The following CCSER1 variants were observed in gnomAD, a reference collection of about 807,000 sequenced individuals.
CCSER1 encodes the protein serine-rich coiled-coil domain-containing protein 1.
A neutral mutation model predicts 82.0 loss-of-function variants in CCSER1; 41 were observed. The ratio of observed to expected loss-of-function variants is 0.50; its 90% CI spans 0.39 to 0.65. The LOEUF (loss-of-function observed/expected upper bound fraction) is 0.65, where lower values mean the gene tolerates loss of function less well. Among genes scored for constraint, CCSER1 ranks in the 30% least tolerant of loss-of-function variants. CCSER1 has a pLI of 0.00. For synonymous variants in CCSER1, 414 were observed against 383.9 expected, an observed-to-expected ratio of 1.08 and a Z score of -0.92; for missense variants, 1,119 against 1,064.2, an observed-to-expected ratio of 1.05 and a Z score of -0.72.
At chr4:90,130,377 G>C (rs1307898826) in intron 1 of CCSER1, among the ~76,000 whole-genome samples, 1 of 152,178 alleles carries the variant, frequency 6.6e-6, no homozygotes, top group Non-Finnish European at 1.5e-5. Flanking sequence ...TTTCATACTG[G>C]ATTTTGTTTG....
In CCSER1 at chr4:91,014,015, G is replaced by A. The variant is rs185516825; in HGVS notation, c.2173-71935G>A. 6.7e-5 allele frequency among the ~76,000 whole-genome samples: 9 copies of A among 133,520 alleles called. 4 individuals are homozygous for A. In the East Asian group the frequency reaches 1.7e-3, roughly 25 times the overall value. The allele number at this position is 133,520 out of a possible 152,430, so 87.6% of individuals were successfully genotyped here. On this transcript the variant is annotated intron_variant, in intron 9 of 10. Coordinates refer to ENST00000509176, the MANE Select transcript of CCSER1 (RefSeq NM_001145065.2). ...TTCATAGGAATTGTGAACCAAATAA[G>A]AAGGAACCAAACACATAACAAGAGT... is the stretch of plus-strand genomic sequence containing the variant.
intron 8 of CCSER1, among the ~76,000 whole-genome samples, chr4:90,860,769 T>C (rs1171379786): frequency 6.6e-6 from 1 of 151,678 alleles, no homozygotes; most frequent in Admixed American, 6.6e-5. Flanking sequence ...GAAAAGGCCA[T>C]ATATGGTATT....
chr4:91,070,378 A>G (rs1721305404), intron 9 of CCSER1, among the ~76,000 whole-genome samples: 1 of 152,186 alleles, frequency 6.6e-6, no homozygotes, highest in South Asian at 2.1e-4. Context: ...CTCAGTTTAT[A>G]TTTCTAAACA....
rs1178787465 is a variant in CCSER1, at chr4:90,468,312, T to G, written c.1682T>G (p.Met561Arg). Residue 561 changes from methionine to arginine, a missense_variant, in exon 5 of 11, where the codon ATG becomes AGG. Transcript: ENST00000509176. ...ACTCCTATGGAACCAATGATAGAAA[T>G]GAAGAAAAGAGAAGAACCAGAATTT... Reference protein sequence around the residue: ...VLTPMEPMIEMKKREEPEFPE... With the variant: ...VLTPMEPMIERKKREEPEFPE... The G allele has an allele frequency of 3.1e-6, 5 of 1,608,516 alleles. No homozygotes were observed. Among genetic ancestry groups the G allele is most frequent in the African/African-American group, 2.7e-5 (2 of 74,956 alleles).
chr4:90,331,941 A>G (rs1186375096), intron 3 of CCSER1, among the ~76,000 whole-genome samples: 1 of 152,072 alleles, frequency 6.6e-6, no homozygotes, highest in Admixed American at 6.6e-5. Context: ...AAGTAAAATG[A>G]GGTATCTTCA....
chr4:91,266,280 C>G (rs1741571540), intron 10 of CCSER1, among the ~76,000 whole-genome samples: 2 of 151,614 alleles, frequency 1.3e-5, no homozygotes, highest in Non-Finnish European at 1.5e-5. Context: ...GAGACAGAGT[C>G]TCACTCTGTT....
chr4:90,190,103 G>T (rs1365938976), intron 1 of CCSER1, among the ~76,000 whole-genome samples: 3 of 152,006 alleles, frequency 2.0e-5, no homozygotes, highest in Non-Finnish European at 4.4e-5. Context: ...TGGCTCTGAG[G>T]CGTGATAACT....
intron 9 of CCSER1, among the ~76,000 whole-genome samples, chr4:91,046,491 CATTT>C (rs1403594634): frequency 6.6e-6 from 1 of 151,882 alleles, no homozygotes; most frequent in Non-Finnish European, 1.5e-5. Flanking sequence ...CTTGAAACAC[CATTT>C]ACTTTCTTTT....
At chr4:90,285,186 C>T (rs1729633875) in intron 1 of CCSER1, among the ~76,000 whole-genome samples, 1 of 151,802 alleles carries the variant, frequency 6.6e-6, no homozygotes, top group African/African-American at 2.4e-5. Flanking sequence ...TGAAGAATGT[C>T]ATTGGTGTTT....
intron 1 of CCSER1, among the ~76,000 whole-genome samples, chr4:90,281,173 C>CCTATA (rs1272890793): frequency 1.3e-5 from 2 of 151,930 alleles, no homozygotes; most frequent in Non-Finnish European, 1.5e-5. Flanking sequence ...AGGCCATTAT[C>CCTATA]CTAAGAGAAC....
At chr4:91,470,638 A>C (rs1757224610) in intron 10 of CCSER1, among the ~76,000 whole-genome samples, 1 of 152,104 alleles carries the variant, frequency 6.6e-6, no homozygotes, top group Non-Finnish European at 1.5e-5. Flanking sequence ...TTCTGATAGA[A>C]TAGTAGTGGT....
At chr4:90,256,785 T>G (rs1474757922) in intron 1 of CCSER1, among the ~76,000 whole-genome samples, 1 of 152,158 alleles carries the variant, frequency 6.6e-6, no homozygotes. Flanking sequence ...TTTCCACGAC[T>G]TAAGTTATCT....
rs549811438 is a variant in CCSER1 at position 90,541,923 on chromosome 4, T to C, written c.1724+73569T>C. ...ATATCTAATGAAACTTGTCACTTAA[T>C]TTCTTCAAGTTCTTCATTCCATATT... On this transcript the variant is annotated intron_variant, in intron 5 of 10. Transcript: ENST00000509176. Among the ~76,000 whole-genome samples, 11 of 152,172 alleles carry C rather than the reference T, an allele frequency of 7.2e-5. No homozygotes were observed. In the South Asian group the frequency reaches 2.3e-3, roughly 32 times the overall value.
intron 8 of CCSER1, among the ~76,000 whole-genome samples, chr4:90,819,195 A>G (rs1759422847): frequency 1.3e-5 from 2 of 152,078 alleles, no homozygotes; most frequent in South Asian, 4.1e-4. Flanking sequence ...AGATCATGTG[A>G]GCCCTCTGAT....
intron 6 of CCSER1, among the ~76,000 whole-genome samples, chr4:90,649,862 T>A (rs1471714106): frequency 1.3e-5 from 2 of 152,104 alleles, no homozygotes; most frequent in Non-Finnish European, 2.9e-5. Context: ...ATCCCAGGCC[T>A]TTGGGAGGCA....
At chr4:91,075,559 A>G (rs1721901627) in intron 9 of CCSER1, among the ~76,000 whole-genome samples, 1 of 152,180 alleles carries the variant, frequency 6.6e-6, no homozygotes, top group African/African-American at 2.4e-5. Flanking sequence ...CATATATATG[A>G]ATAATTTGAC....
intron 8 of CCSER1, among the ~76,000 whole-genome samples, chr4:90,825,477 T>A (rs1186806259): frequency 6.6e-6 from 1 of 151,898 alleles, no homozygotes; most frequent in Non-Finnish European, 1.5e-5. Context: ...AGCCAAAGAC[T>A]TAGAAAAAAA....
chr4:91,480,361 A>G (rs1178871405), intron 10 of CCSER1, among the ~76,000 whole-genome samples: 3 of 152,218 alleles, frequency 2.0e-5, no homozygotes, highest in Non-Finnish European at 4.4e-5. Flanking sequence ...TCCCACCAAC[A>G]GTGTAAAAGT....
intron 3 of CCSER1, among the ~76,000 whole-genome samples, chr4:90,324,097 C>T (rs1579182467): frequency 6.6e-6 from 1 of 151,962 alleles, no homozygotes; most frequent in African/African-American, 2.4e-5. Context: ...GGTTCCAAGT[C>T]TTTGCTATTG....
Sources: gnomAD v4.1 joint callset for allele counts (sites outside exome capture counted in the v4.1 genomes callset) on GRCh38, gnomAD v4.1.1 for gene constraint, MANE v1.5 for transcripts, NCBI Gene and HGNC (gene_info 2026-07-23, HGNC 2026-07-21) for gene names.